EHHADH: variants seen among roughly 807,000 people sequenced by gnomAD.
The protein encoded by EHHADH is peroxisomal bifunctional enzyme.
A neutral mutation model predicts 64.4 loss-of-function variants in EHHADH; 48 were observed. The observed-to-expected ratio is 0.75, with a 90% CI of 0.59 to 0.95. EHHADH has a LOEUF of 0.95. Among genes scored for constraint, EHHADH ranks in the 40% least tolerant of loss-of-function variants. EHHADH has a pLI of 0.00. For synonymous variants in EHHADH, 308 were observed against 326.7 expected (o/e 0.94, Z 0.62); for missense variants, 854 against 876.6 (o/e 0.97, Z 0.33).
At position 185,250,878 on chromosome 3, in the gene EHHADH, C is replaced by T. The variant is rs138963430; in HGVS notation, c.75-2361G>A. ...AGGCACACATTTCCTTCTGAATAAA[C>T]AATGCTTACAAAACTAGCCAAAATT... is the stretch of plus-strand genomic sequence containing the variant. On this transcript the variant is annotated intron_variant, in intron 1 of 6. Coordinates refer to ENST00000231887, the MANE Select transcript of EHHADH (RefSeq NM_001966.4). Among the ~76,000 whole-genome samples, 583 of 152,286 alleles carry T rather than the reference C, an allele frequency of 3.8e-3. 4 individuals carry two copies. The highest frequency in any genetic ancestry group is 0.013 in the African/African-American group (535 of 41,572).
At chr3:185,214,024 T>C (rs1304777238) in intron 5 of EHHADH, among the ~76,000 whole-genome samples, 1 of 152,048 alleles carries the variant, frequency 6.6e-6, no homozygotes, top group Admixed American at 6.5e-5. Context: ...AGAGAATAAA[T>C]GGCAAATGTT....
At chr3:185,219,190 A>T (rs1475053493) in intron 4 of EHHADH, among the ~76,000 whole-genome samples, 1 of 152,278 alleles carries the variant, frequency 6.6e-6, no homozygotes, top group East Asian at 1.9e-4. Flanking sequence ...GCTACCCAGC[A>T]TCTCAGCTCC....
At chr3:185,235,170 A>G (rs1219886830) in intron 3 of EHHADH, 120 bp downstream of exon 3, 281 of 883,770 alleles carry the variant, frequency 3.2e-4, no homozygotes, top group Non-Finnish European at 4.2e-4. Flanking sequence ...ACAGAGTGAG[A>G]CTCCATCTCA....
intron 4 of EHHADH, 142 bp from the exon 5 acceptor site, chr3:185,218,382 C>A: frequency 2.1e-6 from 1 of 478,990 alleles, no homozygotes. Flanking sequence ...GAACCACACT[C>A]ACTGAAAGAA....
intron 2 of EHHADH, 75 bp downstream of exon 2, chr3:185,248,339 C>A: frequency 9.5e-7 from 1 of 1,049,042 alleles, no homozygotes; most frequent in Non-Finnish European, 1.5e-6. Context: ...TACCAACAAG[C>A]ACAGCTAATG....
In EHHADH at chr3:185,204,726, G is replaced by C. The variant is rs1342557488; in HGVS notation, c.600C>G (p.Asn200Lys). 1 of 1,613,010 alleles carries C rather than the reference G, an allele frequency of 6.2e-7. No individual in the cohort carries two copies. The highest frequency in any genetic ancestry group is 2.2e-5 in the East Asian group (1 of 44,812). ...DQPLESRRLC[N>K]KPIQSLPNMD... ...TGTTGGGCAAGCTCTGAATTGGCTT[G>C]TTGCAGAGTCTACGGGATTCTAGAG... The change falls in exon 6 of 7, where the codon AAC (asparagine) becomes AAG (lysine). Residue 200 changes from asparagine to lysine, a missense_variant. By Grantham distance (94) the Asn-to-Lys change is moderately conservative (BLOSUM62 0). Coordinates refer to ENST00000231887, the MANE Select transcript of EHHADH (RefSeq NM_001966.4).
At chr3:185,233,042 G>GTGTTCTTT (rs1277197186) in intron 3 of EHHADH, among the ~76,000 whole-genome samples, 8 of 152,146 alleles carry the variant, frequency 5.3e-5, no homozygotes, top group African/African-American at 1.9e-4. Context: ...AAAGAACACT[G>GTGTTCTTT]ATAAAGAGTA....
chr3:185,250,937 G>A (rs995444679), intron 1 of EHHADH, among the ~76,000 whole-genome samples: 1 of 152,140 alleles, frequency 6.6e-6, no homozygotes, highest in African/African-American at 2.4e-5. Flanking sequence ...GAAGAAACCA[G>A]CTTTTCCCAT....
chr3:185,193,557 A>T, intron 6 of EHHADH, 70 bp from the exon 7 acceptor site: 1 of 1,532,744 alleles, frequency 6.5e-7, no homozygotes, highest in African/African-American at 1.4e-5. Flanking sequence ...TATTCACTGG[A>T]TGGAAGGCTT....
chr3:185,218,282 G>T, intron 4 of EHHADH, 42 bp from the exon 5 acceptor site: 1 of 1,449,308 alleles, frequency 6.9e-7, no homozygotes, highest in Non-Finnish European at 9.6e-7. Flanking sequence ...ATCAAAGAGC[G>T]ATGTAAGATT....
At chr3:185,226,671 A>AGAAAGAAAG (rs1718986641) in intron 4 of EHHADH, among the ~76,000 whole-genome samples, 1 of 151,776 alleles carries the variant, frequency 6.6e-6, no homozygotes, top group African/African-American at 2.4e-5. Flanking sequence ...AAAAAAAGAA[A>AGAAAGAAAG]GAAAGAAAGA....
At chr3:185,195,537 A>G (rs566667297) in intron 6 of EHHADH, among the ~76,000 whole-genome samples, 1 of 152,366 alleles carries the variant, frequency 6.6e-6, no homozygotes, top group African/African-American at 2.4e-5. Flanking sequence ...ATACATGTCC[A>G]CATAAAGCTT....
intron 2 of EHHADH, chr3:185,245,774 A>G (rs1577377564): frequency 2.8e-6 from 2 of 713,502 alleles, no homozygotes; most frequent in South Asian, 1.6e-5. Context: ...TAGTTTACAG[A>G]TATCTGTAAA....
In EHHADH at chr3:185,193,112, A is replaced by G. The variant is rs371369488; in HGVS notation, c.1286T>C (p.Ile429Thr). Residue 429 changes from isoleucine (I) to threonine (T), a missense_variant, in exon 7 of 7, where the codon ATT becomes ACT. Transcript: ENST00000231887. ...ASSTDRPHLV[I>T]GTHFFSPAHV... The stretch of plus-strand genomic sequence containing the variant: ...AGCTGGCGAAAAGAAGTGGGTGCCA[A>G]TGACCAAGTGAGGACGATCAGTGGA... 7 of 1,613,648 alleles carry G rather than the reference A, an allele frequency of 4.3e-6. No individual in the cohort carries two copies. The African/African-American group carries it at 5.3e-5, about 12-fold the overall frequency.
rs60892892 is a variant in EHHADH, at chr3:185,253,761, T to TAA, written c.74+186_74+187dup. 66,343 of 1,061,482 alleles carry TAA rather than the reference T, an allele frequency of 0.063. 1,237 individuals are homozygous for TAA. The highest frequency in any genetic ancestry group is 0.22 in the African/African-American group (10,450 of 47,528). The allele number at this position is 1,061,482 out of a possible 1,614,324, so 65.8% of individuals were successfully genotyped here. On this transcript the variant is annotated intron_variant, in intron 1 of 6. Transcript: ENST00000231887. Reference sequence around the variant, plus strand: ...GAAGATTAACCAAGCTAATCTAGGTTAAAAAAAAAAAAAAAGAAAAGAAAA... The same window carrying TAA: ...GAAGATTAACCAAGCTAATCTAGGTTAAAAAAAAAAAAAAAAAGAAAAGAAAA...
At chr3:185,196,181 G>C (rs1261095523) in intron 6 of EHHADH, among the ~76,000 whole-genome samples, 1 of 152,176 alleles carries the variant, frequency 6.6e-6, no homozygotes, top group East Asian at 1.9e-4. Context: ...TATTAATTTA[G>C]TGTAGTTCTC....
intron 5 of EHHADH, among the ~76,000 whole-genome samples, chr3:185,209,316 T>C (rs150403043): frequency 6.4e-4 from 97 of 152,302 alleles, no homozygotes; most frequent in South Asian, 2.5e-3. Flanking sequence ...ATATGTATTA[T>C]ATATGAAATT....
intron 1 of EHHADH, 24 bp downstream of exon 1, chr3:185,253,925 G>C: frequency 6.2e-7 from 1 of 1,613,816 alleles, no homozygotes; most frequent in Non-Finnish European, 8.5e-7. Flanking sequence ...CGGTCCCCGG[G>C]CTGGAGGCGA....
At chr3:185,208,416 C>T (rs535856554) in intron 5 of EHHADH, among the ~76,000 whole-genome samples, 2 of 152,286 alleles carry the variant, frequency 1.3e-5, no homozygotes, top group South Asian at 2.1e-4. Flanking sequence ...GGATTCTGGA[C>T]CCACAGAAAT....
Sources: gnomAD v4.1 joint callset for allele counts (sites outside exome capture counted in the v4.1 genomes callset) on GRCh38, gnomAD v4.1.1 for gene constraint, MANE v1.5 for transcripts, NCBI Gene and HGNC (gene_info 2026-07-23, HGNC 2026-07-21) for gene names.